Variants in WDTC1 observed in about 807,000 individuals in gnomAD.
WDTC1 encodes the protein WD and tetratricopeptide repeats 1.
WDTC1 carries 12 observed loss-of-function variants against 76.0 expected under a neutral mutation model. The ratio of observed to expected loss-of-function variants is 0.16; its 90% CI spans 0.10 to 0.26. The LOEUF (loss-of-function observed/expected upper bound fraction) is 0.26, where lower values mean the gene tolerates loss of function less well. Among genes scored for constraint, WDTC1 ranks in the 10% least tolerant of loss-of-function variants. WDTC1 has a pLI of 1.00. For synonymous variants in WDTC1, 326 were observed against 350.8 expected, an observed-to-expected ratio of 0.93 and a Z score of 0.79; for missense variants, 511 against 908.8, an observed-to-expected ratio of 0.56 and a Z score of 5.63.
At chr1:27,256,072 T>C (rs1440016081) in intron 1 of WDTC1, among the ~76,000 whole-genome samples, 1 of 152,128 alleles carries the variant, frequency 6.6e-6, no homozygotes, top group African/African-American at 2.4e-5. Context: ...ATTAAGGAAA[T>C]TCACAAAACA....
intron 1 of WDTC1, among the ~76,000 whole-genome samples, chr1:27,242,508 C>A (rs1409154770): frequency 6.6e-6 from 1 of 151,476 alleles, no homozygotes; most frequent in South Asian, 2.1e-4. Context: ...TCGCTCCTGT[C>A]GCCCAGGCTG....
rs1322008616 is a variant in WDTC1 at position 27,306,316 on chromosome 1, G to T, written c.1967G>T (p.Ser656Ile). 6.2e-7 allele frequency: 1 copy of T among 1,614,056 alleles called. No individual in the cohort carries two copies. Among genetic ancestry groups the T allele is most frequent in the Non-Finnish European group, 8.5e-7 (1 of 1,180,006 alleles). ...GGCTACCGGATCACGGGCCTGAGCA[G>T]TGGGGGTGCCGGGGCCTCTGATGAT... ...NMGYRITGLS[S>I]GGAGASDDED... The change falls in exon 16 of 16, where the codon AGT (serine) becomes ATT (isoleucine). Residue 656 changes from serine (S) to isoleucine (I), a missense_variant. Physicochemically the swap from Ser to Ile is moderately radical, Grantham distance 142. Transcript: ENST00000319394. This position sits in a 1 kb window ranked among gnomAD's most constrained non-coding sequence, Gnocchi z 5.0.
In WDTC1 at chr1:27,289,106, C is replaced by T. The variant is rs1327890027; in HGVS notation, c.479+1245C>T. Reference sequence around the variant, plus strand: ...CTGACCCCCCCACCTCCCTCCTGGACGGGGCGGCTGGCTGGGCAGAGGGGC... The same window carrying T: ...CTGACCCCCCCACCTCCCTCCTGGATGGGGCGGCTGGCTGGGCAGAGGGGC... On this transcript the variant is annotated intron_variant, in intron 6 of 15. Coordinates refer to ENST00000319394, the MANE Select transcript of WDTC1 (RefSeq NM_001276252.2). Among the ~76,000 whole-genome samples, 540 of 142,486 alleles carry T rather than the reference C, an allele frequency of 3.8e-3. 3 individuals carry two copies. Among genetic ancestry groups the T allele is most frequent in the African/African-American group, 0.014 (517 of 38,094 alleles). The allele number at this position is 142,486 out of a possible 152,430, so 93.5% of individuals were successfully genotyped here.
At chr1:27,286,807 T>G (rs2013353750) in intron 5 of WDTC1, among the ~76,000 whole-genome samples, 1 of 151,988 alleles carries the variant, frequency 6.6e-6, no homozygotes, top group South Asian at 2.1e-4. Flanking sequence ...AAACTAGAAA[T>G]TGTTTTTAAT....
upstream of WDTC1, chr1:27,234,607 G>C (rs1215125691): frequency 2.5e-6 from 1 of 393,588 alleles, no homozygotes; most frequent in Non-Finnish European, 4.5e-6. Flanking sequence ...CGGAGGCGGA[G>C]ACTGCGTGGC....
At chr1:27,254,444 TAAA>T (rs1274145209) in intron 1 of WDTC1, among the ~76,000 whole-genome samples, 1 of 151,894 alleles carries the variant, frequency 6.6e-6, no homozygotes, top group Non-Finnish European at 1.5e-5. Context: ...AAAAAATACA[TAAA>T]AAATAGCTAA....
At chr1:27,237,723 C>T (rs535986784) in intron 1 of WDTC1, among the ~76,000 whole-genome samples, 2 of 152,010 alleles carry the variant, frequency 1.3e-5, no homozygotes, top group South Asian at 4.2e-4. Context: ...TGGTGGCACG[C>T]GCCTGTAGTC....
At chr1:27,247,861 G>A (rs1249229294) in intron 1 of WDTC1, among the ~76,000 whole-genome samples, 1 of 152,016 alleles carries the variant, frequency 6.6e-6, no homozygotes, top group Non-Finnish European at 1.5e-5. Context: ...TGGGATTATA[G>A]GCACCTGACA....
chr1:27,266,982 C>T (rs1209090395), intron 3 of WDTC1, among the ~76,000 whole-genome samples: 1 of 152,166 alleles, frequency 6.6e-6, no homozygotes, highest in Non-Finnish European at 1.5e-5. Context: ...TCAATAAAAA[C>T]CTGTTGGTGT....
chr1:27,256,721 T>C (rs953013294), intron 1 of WDTC1, among the ~76,000 whole-genome samples: 3 of 152,344 alleles, frequency 2.0e-5, no homozygotes, highest in African/African-American at 4.8e-5. Flanking sequence ...GTTTTGCTCA[T>C]TGATATATCC....
intron 5 of WDTC1, among the ~76,000 whole-genome samples, chr1:27,284,877 T>C (rs1461779567): frequency 3.3e-5 from 5 of 152,162 alleles, no homozygotes; most frequent in Admixed American, 1.3e-4. Flanking sequence ...CTATGGTGTG[T>C]GATGCGTGTG....
intron 3 of WDTC1, among the ~76,000 whole-genome samples, chr1:27,266,270 A>G: frequency 6.6e-6 from 1 of 152,210 alleles, no homozygotes; most frequent in Non-Finnish European, 1.5e-5. Flanking sequence ...AGAACATGGT[A>G]TCACGGTAGC....
intron 1 of WDTC1, among the ~76,000 whole-genome samples, chr1:27,240,182 G>A (rs776775570): frequency 9.7e-4 from 147 of 152,186 alleles, no homozygotes; most frequent in Non-Finnish European, 1.1e-3. Context: ...TGAGCCACCA[G>A]GCCCAGCTCT....
chr1:27,290,474 C>T lies in WDTC1; in HGVS notation c.480-1741C>T, dbSNP rs192227422. On this transcript the variant is annotated intron_variant, in intron 6 of 15. Transcript: ENST00000319394. ...TCTCTTAGAGCAACTCCATGTCTGT[C>T]TTGTTCTTGGTTGTATCCCTAGAGC... Among the ~76,000 whole-genome samples, 174 of 152,292 alleles carry T rather than the reference C, an allele frequency of 1.1e-3. 1 individual carries two copies. The highest frequency in any genetic ancestry group is 2.2e-3 in the Non-Finnish European group (147 of 68,018).
Position 27,303,738 on chromosome 1 carries a change from G to A in WDTC1, c.1586G>A (p.Arg529His), listed in dbSNP as rs2147995618. 1 of 1,614,052 alleles carries A rather than the reference G, an allele frequency of 6.2e-7. No individual in the cohort carries two copies. Among genetic ancestry groups the A allele is most frequent in the Non-Finnish European group, 8.5e-7 (1 of 1,179,974 alleles). The change falls in exon 14 of 16, where the codon CGC (arginine) becomes CAC (histidine). Residue 529 changes from arginine (R) to histidine (H), a missense_variant. Arg to His is a conservative substitution (Grantham distance 29, BLOSUM62 0). Transcript: ENST00000319394. This position sits in a 1 kb window ranked among gnomAD's most constrained non-coding sequence, Gnocchi z 4.8. Reference protein sequence around the residue: ...LRERSYDYQFRYCGHCNTTTD... With the variant: ...LRERSYDYQFHYCGHCNTTTD... ...GAGCGAAGCTACGACTATCAGTTCCGCTACTGCGGCCACTGCAACACCACC... is the reference window on the plus strand; with the variant it reads ...GAGCGAAGCTACGACTATCAGTTCCACTACTGCGGCCACTGCAACACCACC...
At chr1:27,254,052 C>A (rs1356408235) in intron 1 of WDTC1, among the ~76,000 whole-genome samples, 1 of 152,062 alleles carries the variant, frequency 6.6e-6, no homozygotes, top group African/African-American at 2.4e-5. Context: ...GTATTTCCTT[C>A]CCGATGTGAA....
intron 3 of WDTC1, among the ~76,000 whole-genome samples, chr1:27,263,784 A>G (rs2012563650): frequency 6.6e-6 from 1 of 152,072 alleles, no homozygotes; most frequent in Admixed American, 6.6e-5. Flanking sequence ...TCAATTCCAT[A>G]CCACTATTTT....
intron 3 of WDTC1, among the ~76,000 whole-genome samples, chr1:27,266,152 A>G (rs1432126699): frequency 6.6e-6 from 1 of 152,148 alleles, no homozygotes; most frequent in Non-Finnish European, 1.5e-5. Flanking sequence ...GAGGAGCAAG[A>G]AAAGGGTCCA....
intron 3 of WDTC1, among the ~76,000 whole-genome samples, chr1:27,266,407 A>G (rs1400646346): frequency 1.3e-5 from 2 of 152,182 alleles, no homozygotes; most frequent in Non-Finnish European, 2.9e-5. Context: ...TAGTAATTAA[A>G]ATACCTCTAT....
Sources: allele counts gnomAD v4.1 joint callset (sites outside exome capture counted in the v4.1 genomes callset), GRCh38; gene constraint gnomAD v4.1.1; non-coding constraint Gnocchi (gnomAD v3.1); transcripts MANE v1.5; gene names NCBI Gene and HGNC (gene_info 2026-07-23, HGNC 2026-07-21).